Variants in CDK12 observed in about 807,000 individuals in gnomAD.
CDK12 encodes the protein cyclin-dependent kinase 12.
A neutral mutation model predicts 133.8 loss-of-function variants in CDK12; 17 were observed. The ratio of observed to expected loss-of-function variants is 0.13; its 90% confidence interval spans 0.09 to 0.19. CDK12 has a LOEUF of 0.19. Among genes scored for constraint, CDK12 ranks in the 10% least tolerant of loss-of-function variants. CDK12 has a pLI of 1.00. For missense variants in CDK12, 1,508 were observed against 1,818.7 expected, an observed-to-expected ratio of 0.83 and a Z score of 3.11; for synonymous variants, 694 against 683.6, an observed-to-expected ratio of 1.02 and a Z score of -0.24.
chr17:39,509,745 T>C lies in CDK12; in HGVS notation c.2650T>C (p.Tyr884His). The C allele has an allele frequency of 6.2e-7, 1 of 1,611,120 alleles. No individual in the cohort carries two copies. Among genetic ancestry groups the C allele is most frequent in the South Asian group, 1.1e-5 (1 of 91,010 alleles). ...KLADFGLARL[Y>H]NSEESRPYTN... is the part of the protein sequence containing the mutation. ...AGCAGATTTTGGACTTGCTCGGCTC[T>C]ATAACTCTGAAGAGAGGTAAGGCAT... The change falls in exon 7 of 14, where the codon TAT (tyrosine) becomes CAT (histidine). Residue 884 changes from tyrosine (Y) to histidine (H), a missense_variant. Tyr to His is a moderately conservative substitution (Grantham distance 83). Coordinates refer to ENST00000447079, the MANE Select transcript of CDK12 (RefSeq NM_016507.4).
chr17:39,496,514 A>G (rs2052123788), intron 5 of CDK12, among the ~76,000 whole-genome samples: 1 of 152,118 alleles, frequency 6.6e-6, no homozygotes, highest in African/African-American at 2.4e-5. Flanking sequence ...AGCCTGGCCA[A>G]GATGGTGAAA....
chr17:39,556,643 G>A lies in CDK12; in HGVS notation n.484+230G>A, dbSNP rs574037520. Among the ~76,000 whole-genome samples the A allele has an allele frequency of 1.7e-4, 26 of 150,510 alleles. No individual in the cohort carries two copies. In the East Asian group the frequency reaches 4.9e-3, roughly 28 times the overall value. On this transcript the variant is annotated intron_variant and non_coding_transcript_variant, in intron 3 of 3. Coordinates refer to the CDK12 transcript ENST00000558240. ...GGCTTTTTCCCAGCTCCCCCTCCCCGCTAGCCCAACCCCCTCCCTGCCAAC... is the reference window on the plus strand; with the variant it reads ...GGCTTTTTCCCAGCTCCCCCTCCCCACTAGCCCAACCCCCTCCCTGCCAAC...
chr17:39,516,660 CTTTTTTTTTTT>C (rs900007701), intron 9 of CDK12, among the ~76,000 whole-genome samples: 1 of 116,030 alleles, frequency 8.6e-6, no homozygotes, highest in South Asian at 2.7e-4. Flanking sequence ...CTAATGCAGA[CTTTTTTTTTTT>C]TTTTTTTTTG....
At chr17:39,472,464 A>G (rs1177622741) in intron 2 of CDK12, among the ~76,000 whole-genome samples, 1 of 150,858 alleles carries the variant, frequency 6.6e-6, no homozygotes, top group Non-Finnish European at 1.5e-5. Context: ...ACCTGAGGTC[A>G]GGGGTTCAAG....
chr17:39,561,689 A>G (rs1365050287), intron 3 of CDK12, among the ~76,000 whole-genome samples: 1 of 152,124 alleles, frequency 6.6e-6, no homozygotes. Context: ...CTCCTGCTGG[A>G]GCTGGCTCTT....
At position 39,463,136 on chromosome 17, in the gene CDK12, A is replaced by C; in HGVS notation, c.1046+19A>C. On this transcript the variant is annotated intron_variant, in intron 1 of 13. Coordinates refer to ENST00000447079, the MANE Select transcript of CDK12 (RefSeq NM_016507.4). ...TCCCCAGGTGAGCTATTTGTCTAACAGTCCTTCCTCATTTAGGGTGGGTTG... is the reference window on the plus strand; with the variant it reads ...TCCCCAGGTGAGCTATTTGTCTAACCGTCCTTCCTCATTTAGGGTGGGTTG... 1 of 1,604,644 alleles carries C rather than the reference A, an allele frequency of 6.2e-7. No individual in the cohort carries two copies.
rs144663238 is a variant in CDK12 at position 39,470,978 on chromosome 17, C to T, written c.1146C>T (p.Ser382=). 1.1e-4 allele frequency: 183 copies of T among 1,614,018 alleles called. No individual in the cohort carries two copies. Among genetic ancestry groups the T allele is most frequent in the Non-Finnish European group, 1.3e-4 (151 of 1,180,026 alleles). Reference sequence around the variant, plus strand: ...GATCCAGTTCACGCAGTCGTCATTCCAGTATCTCACCTGTCAGGCTTCCAC... The same window carrying T: ...GATCCAGTTCACGCAGTCGTCATTCTAGTATCTCACCTGTCAGGCTTCCAC... ...KKRSSSRSRH[S]SISPVRLPLN... Residue 382 remains serine (S), a synonymous_variant, in exon 2 of 14, where the codon TCC becomes TCT. Coordinates refer to ENST00000447079, the MANE Select transcript of CDK12 (RefSeq NM_016507.4).
rs1303386099 is a variant in CDK12 at position 39,531,975 on chromosome 17, CT to C, written c.*662del. On this transcript the variant is annotated 3_prime_UTR_variant, in exon 14 of 14. Transcript: ENST00000447079. Reference sequence around the variant, plus strand: ...TTACTCATCCTTAAAGTTTACTCCACTTTGACAAAAGATACGCCCTTCTCCC... The same window carrying C: ...TTACTCATCCTTAAAGTTTACTCCACTTGACAAAAGATACGCCCTTCTCCC... 8.6e-6 allele frequency: 2 copies of C among 233,732 alleles called. No homozygotes were observed. The allele number at this position is 233,732 out of a possible 1,614,324, so 14.5% of individuals were successfully genotyped here.
Position 39,526,286 on chromosome 17 carries a change from A to T in CDK12, c.3730A>T (p.Thr1244Ser). The change falls in exon 13 of 14, where the codon ACT becomes TCT. Residue 1244 changes from threonine (T) to serine (S), a missense_variant. Physicochemically the swap from Thr to Ser is moderately conservative, Grantham distance 58. Around this residue, in one of 9 missense-constraint regions of CDK12, gnomAD observed 399 missense variants for 469.6 expected, o/e 0.85. Transcript: ENST00000447079. Reference protein sequence around the residue: ...KNSGPQGPRRTPTMPQEEAAA... With the variant: ...KNSGPQGPRRSPTMPQEEAAA... Reference sequence around the variant, plus strand: ...CAGTGGGCCACAGGGGCCCCGAAGAACTCCCACAATGCCACAGGAGGAGGC... The same window carrying T: ...CAGTGGGCCACAGGGGCCCCGAAGATCTCCCACAATGCCACAGGAGGAGGC... The T allele has an allele frequency of 6.2e-7, 1 of 1,600,170 alleles. No homozygotes were observed. The highest frequency in any genetic ancestry group is 1.3e-5 in the African/African-American group (1 of 74,802).
At position 39,525,968 on chromosome 17, in the gene CDK12, C is replaced by T. The variant is rs1393842206; in HGVS notation, c.3412C>T (p.Leu1138Phe). The T allele has an allele frequency of 2.4e-5, 39 of 1,614,070 alleles. No homozygotes were observed. The highest frequency in any genetic ancestry group is 3.1e-5 in the Non-Finnish European group (37 of 1,180,048). ...GAGCATCCCTCAAATGGCACAGCTG[C>T]TTAACATCCACTCCAACCCAGAGAT... is the stretch of plus-strand genomic sequence containing the variant. ...DLSIPQMAQLLNIHSNPEMQQ... is the reference protein window; with the variant it reads ...DLSIPQMAQLFNIHSNPEMQQ... Residue 1138 changes from leucine to phenylalanine, a missense_variant, in exon 13 of 14, where the codon CTT becomes TTT. Around this residue, in one of 9 missense-constraint regions of CDK12, gnomAD observed 399 missense variants for 469.6 expected, o/e 0.85. Coordinates refer to ENST00000447079, the MANE Select transcript of CDK12 (RefSeq NM_016507.4).
intron 2 of CDK12, among the ~76,000 whole-genome samples, chr17:39,485,406 C>A (rs930933049): frequency 6.0e-5 from 8 of 133,858 alleles, no homozygotes; most frequent in Admixed American, 3.2e-4. Flanking sequence ...GGCATCCCCC[C>A]CCTTTTTTTT....
At chr17:39,560,901 G>T (rs2144578316) in intron 3 of CDK12, among the ~76,000 whole-genome samples, 1 of 152,344 alleles carries the variant, frequency 6.6e-6, no homozygotes, top group East Asian at 1.9e-4. Flanking sequence ...TGTAATCTCA[G>T]CTACTCAGGA....
Position 39,462,724 on chromosome 17 carries a change from G to C in CDK12, c.653G>C (p.Arg218Pro). Residue 218 changes from arginine (R) to proline (P), a missense_variant, in exon 1 of 14, where the codon CGG becomes CCG. Transcript: ENST00000447079. ...TACAAAACAGTGGACAGCCCAAAACGGAGATCCAGGAGCCCCCACAGGAAG... is the reference window on the plus strand; with the variant it reads ...TACAAAACAGTGGACAGCCCAAAACCGAGATCCAGGAGCCCCCACAGGAAG... The part of the protein sequence containing the change: ...KSYKTVDSPK[R>P]RSRSPHRKWS... 1 of 1,614,174 alleles carries C rather than the reference G, an allele frequency of 6.2e-7. No individual in the cohort carries two copies. Among genetic ancestry groups the C allele is most frequent in the African/African-American group, 1.3e-5 (1 of 75,046 alleles).
chr17:39,492,541 G>A (rs1427443842), intron 3 of CDK12, among the ~76,000 whole-genome samples: 6 of 151,188 alleles, frequency 4.0e-5, no homozygotes, highest in Non-Finnish European at 8.8e-5. Context: ...CCGAGTAGCT[G>A]GGACTACAGG....
chr17:39,543,282 C>T (rs2055518239), upstream of CDK12, among the ~76,000 whole-genome samples: 1 of 152,164 alleles, frequency 6.6e-6, no homozygotes, highest in African/African-American at 2.4e-5. Flanking sequence ...TGTGGTGATC[C>T]ACAGTGGCCT....
intron 8 of CDK12, among the ~76,000 whole-genome samples, chr17:39,514,158 A>G (rs1053726317): frequency 1.3e-5 from 2 of 152,116 alleles, no homozygotes; most frequent in Non-Finnish European, 2.9e-5. Flanking sequence ...GGCCTCACCA[A>G]GTGCCAGGAT....
At chr17:39,526,561 T>G (rs1413745097) in intron 13 of CDK12, among the ~76,000 whole-genome samples, 1 of 152,156 alleles carries the variant, frequency 6.6e-6, no homozygotes, top group Non-Finnish European at 1.5e-5. Flanking sequence ...GATAGGTAAG[T>G]AAAGCCCCTG....
intron 2 of CDK12, among the ~76,000 whole-genome samples, chr17:39,475,413 C>T (rs981256920): frequency 6.6e-6 from 1 of 151,888 alleles, no homozygotes; most frequent in Admixed American, 6.6e-5. Flanking sequence ...TTCAAGGCTA[C>T]GGTGAACTAT....
rs1333656820 is a variant in CDK12, at chr17:39,476,715, T to A, written c.1931+4952T>A. Among the ~76,000 whole-genome samples, 17 of 98,418 alleles carry A rather than the reference T, an allele frequency of 1.7e-4. 3 individuals carry two copies. The South Asian group carries it at 2.0e-3, about 11-fold the overall frequency. 64.6% of individuals were successfully genotyped at this position (98,418 alleles called of 152,430 possible). ...GGCATGAGCCACCATGCCTGCCTTT[T>A]TTTTTTTTTTTTTTTTTTTTTTTTT... On this transcript the variant is annotated intron_variant, in intron 2 of 13. Transcript: ENST00000447079.
Sources: allele counts gnomAD v4.1 joint callset (sites outside exome capture counted in the v4.1 genomes callset), GRCh38; gene constraint gnomAD v4.1.1; regional missense constraint gnomAD v4.1.1; transcripts MANE v1.5; gene names NCBI Gene and HGNC (gene_info 2026-07-23, HGNC 2026-07-21).